SAMMSON: variants seen among roughly 807,000 people sequenced by gnomAD.
SAMMSON encodes survival associated mitochondrial melanoma specific oncogenic non-coding RNA.
intron 4 of SAMMSON, among the ~76,000 whole-genome samples, chr3:70,102,793 G>C (rs1457779483): frequency 1.3e-5 from 2 of 152,166 alleles, no homozygotes; most frequent in Non-Finnish European, 2.9e-5. Context: ...TGGACATAGA[G>C]AGCGAAAGTT....
chr3:70,380,878 CT>C (rs1703060909), intron 9 of SAMMSON, among the ~76,000 whole-genome samples: 3 of 152,148 alleles, frequency 2.0e-5, no homozygotes, highest in African/African-American at 7.2e-5. Context: ...TGAACTCATC[CT>C]TTTTTATGGC....
Position 70,076,817 on chromosome 3 carries a change from T to A in SAMMSON, n.507+5252T>A, listed in dbSNP as rs548061665. Among the ~76,000 whole-genome samples the A allele has an allele frequency of 5.3e-5, 8 of 152,340 alleles. No homozygotes were observed. The East Asian group carries it at 1.3e-3, about 26-fold the overall frequency. On this transcript the variant is annotated intron_variant and non_coding_transcript_variant, in intron 4 of 9. Transcript: ENST00000642114. ...ACACTAATGAAGTGGAATTGGCAGT[T>A]CAGGTTTTAGTTATTGTCATTTCTG... is the stretch of plus-strand genomic sequence containing the variant.
At chr3:70,118,488 TC>T (rs2067420699) in intron 4 of SAMMSON, among the ~76,000 whole-genome samples, 2 of 152,198 alleles carry the variant, frequency 1.3e-5, no homozygotes, top group African/African-American at 2.4e-5. Context: ...GAAACACTCA[TC>T]ATAAAAGGAT....
chr3:70,019,532 A>G (rs1185934639), intron 3 of SAMMSON, among the ~76,000 whole-genome samples: 1 of 152,086 alleles, frequency 6.6e-6, no homozygotes, highest in African/African-American at 2.4e-5. Flanking sequence ...TTGACTCTTT[A>G]TCCAATTGGC....
At chr3:70,023,052 G>A (rs536441081) in intron 3 of SAMMSON, among the ~76,000 whole-genome samples, 3 of 152,094 alleles carry the variant, frequency 2.0e-5, no homozygotes, top group Admixed American at 6.5e-5. Flanking sequence ...GCTATGATCC[G>A]AATTGCAAAA....
chr3:70,250,033 T>TAA (rs1017062115), intron 6 of SAMMSON, among the ~76,000 whole-genome samples: 1 of 152,180 alleles, frequency 6.6e-6, no homozygotes, highest in Non-Finnish European at 1.5e-5. Context: ...TTCGAGTTGT[T>TAA]TATTAAGTTA....
intron 2 of SAMMSON, among the ~76,000 whole-genome samples, chr3:70,418,414 G>A (rs1251875470): frequency 1.3e-5 from 2 of 152,070 alleles, no homozygotes; most frequent in African/African-American, 2.4e-5. Flanking sequence ...TCGGAATGGG[G>A]TGGATGTCAG....
At chr3:70,290,721 GC>G (rs1344796437) in intron 6 of SAMMSON, among the ~76,000 whole-genome samples, 6 of 152,262 alleles carry the variant, frequency 3.9e-5, no homozygotes, top group Admixed American at 2.6e-4. Flanking sequence ...GACTCCGTGG[GC>G]GTAGGACCCT....
chr3:70,050,671 T>G lies in SAMMSON; in HGVS notation n.418-20805T>G, dbSNP rs568267137. Among the ~76,000 whole-genome samples, 412 of 152,270 alleles carry G rather than the reference T, an allele frequency of 2.7e-3. 2 individuals are homozygous for G. The highest frequency in any genetic ancestry group is 4.5e-3 in the Non-Finnish European group (306 of 68,006). ...AATCAGATTTGCTATGGATCTGTCT[T>G]GGTCAACTTTCACCTGAATGATAAT... On this transcript the variant is annotated intron_variant and non_coding_transcript_variant, in intron 3 of 9. Transcript: ENST00000642114.
At chr3:70,208,288 A>C (rs142447799) in intron 4 of SAMMSON, among the ~76,000 whole-genome samples, 1 of 152,138 alleles carries the variant, frequency 6.6e-6, no homozygotes, top group East Asian at 1.9e-4. Flanking sequence ...GAGTTACTGA[A>C]ATTGATAATA....
At chr3:70,162,230 A>T (rs948607606) in intron 4 of SAMMSON, among the ~76,000 whole-genome samples, 3 of 151,862 alleles carry the variant, frequency 2.0e-5, no homozygotes, top group African/African-American at 7.2e-5. Flanking sequence ...TAAGATTAGT[A>T]AATTGCTTTG....
intron 4 of SAMMSON, among the ~76,000 whole-genome samples, chr3:70,095,236 TTAA>T (rs1411383835): frequency 6.6e-6 from 1 of 152,212 alleles, no homozygotes; most frequent in Non-Finnish European, 1.5e-5. Flanking sequence ...AGGACATATG[TTAA>T]GAGGTTATCT....
intron 6 of SAMMSON, among the ~76,000 whole-genome samples, chr3:70,283,431 A>T (rs1031960843): frequency 6.6e-6 from 1 of 152,156 alleles, no homozygotes; most frequent in Admixed American, 6.6e-5. Context: ...TGGATACTGT[A>T]GAATTGTTCA....
chr3:70,316,606 T>C (rs1702495819), intron 7 of SAMMSON, among the ~76,000 whole-genome samples: 1 of 152,122 alleles, frequency 6.6e-6, no homozygotes, highest in South Asian at 2.1e-4. Flanking sequence ...AAAAGAATTC[T>C]TTTTGGAACT....
At chr3:70,176,935 A>C (rs1345116610) in intron 4 of SAMMSON, among the ~76,000 whole-genome samples, 1 of 152,220 alleles carries the variant, frequency 6.6e-6, no homozygotes, top group African/African-American at 2.4e-5. Flanking sequence ...CGAGTATCAC[A>C]GGTATCTAGA....
chr3:70,096,727 A>G (rs2067324280), intron 4 of SAMMSON, among the ~76,000 whole-genome samples: 1 of 152,196 alleles, frequency 6.6e-6, no homozygotes, highest in South Asian at 2.1e-4. Context: ...GAAGCTGCCT[A>G]CAGAATTAAT....
At chr3:70,344,969 C>T (rs768195182) in intron 7 of SAMMSON, among the ~76,000 whole-genome samples, 1 of 152,168 alleles carries the variant, frequency 6.6e-6, no homozygotes, top group African/African-American at 2.4e-5. Flanking sequence ...TTAATTATTA[C>T]TTGGATGTCA....
At chr3:70,154,668 GA>G (rs1279933285) in intron 4 of SAMMSON, among the ~76,000 whole-genome samples, 1 of 152,070 alleles carries the variant, frequency 6.6e-6, no homozygotes, top group African/African-American at 2.4e-5. Flanking sequence ...TCTCCTTAAA[GA>G]AGTTTGACTT....
At chr3:70,109,945 G>T (rs761495135) in intron 4 of SAMMSON, among the ~76,000 whole-genome samples, 5 of 152,012 alleles carry the variant, frequency 3.3e-5, no homozygotes, top group Non-Finnish European at 5.9e-5. Flanking sequence ...AATTTATTTG[G>T]GATACTATGG....
Sources: gnomAD v4.1 joint callset for allele counts (sites outside exome capture counted in the v4.1 genomes callset) on GRCh38, gnomAD v4.1.1 for gene constraint, MANE v1.5 for transcripts, NCBI Gene and HGNC (gene_info 2026-07-23, HGNC 2026-07-21) for gene names.